The following SAMD8 variants were observed in gnomAD, a reference collection of about 807,000 sequenced individuals.
SAMD8 encodes the protein sphingomyelin synthase-related protein 1.
In SAMD8, 20 loss-of-function variants were observed where a neutral mutation model predicts 42.0. The observed-to-expected ratio is 0.48, with a 90% confidence interval of 0.34 to 0.69. The LOEUF (loss-of-function observed/expected upper bound fraction) is 0.69, where lower values mean the gene tolerates loss of function less well. Among genes scored for constraint, SAMD8 ranks in the 30% least tolerant of loss-of-function variants. SAMD8 has a pLI of 0.01. For synonymous variants in SAMD8, 162 were observed against 173.0 expected, an observed-to-expected ratio of 0.94 and a Z score of 0.50; for missense variants, 328 against 511.6, an observed-to-expected ratio of 0.64 and a Z score of 3.46.
chr10:75,130,073 A>C (rs1030151942), intron 1 of SAMD8, among the ~76,000 whole-genome samples: 6 of 152,188 alleles, frequency 3.9e-5, no homozygotes, highest in Non-Finnish European at 7.3e-5. Context: ...TATTGTACTT[A>C]TTTAGGAAGT....
At chr10:75,172,124 C>T (rs905473336) in intron 4 of SAMD8, among the ~76,000 whole-genome samples, 2 of 152,086 alleles carry the variant, frequency 1.3e-5, no homozygotes, top group African/African-American at 2.4e-5. Context: ...CTTTCTCACC[C>T]TCTTGCCAGC....
At chr10:75,146,492 G>A (rs1023512027) in intron 1 of SAMD8, among the ~76,000 whole-genome samples, 5 of 151,794 alleles carry the variant, frequency 3.3e-5, no homozygotes, top group African/African-American at 9.7e-5. Context: ...CTGCATGTTG[G>A]TCAGGCTGTT....
rs1445556278 is a variant in SAMD8, at chr10:75,141,555, T to C, written c.-15-8959T>C. Among the ~76,000 whole-genome samples the C allele has an allele frequency of 7.5e-5, 11 of 146,992 alleles. No individual in the cohort carries two copies. In the East Asian group the frequency reaches 7.8e-4, roughly 10 times the overall value. On this transcript the variant is annotated intron_variant, in intron 1 of 5. Transcript: ENST00000542569. Reference sequence around the variant, plus strand: ...GCCTTTTACTTTTTTTTTTTTTTTTTCCTCGAGATGGAGTCTCACTCTGTC... The same window carrying C: ...GCCTTTTACTTTTTTTTTTTTTTTTCCCTCGAGATGGAGTCTCACTCTGTC...
intron 1 of SAMD8, among the ~76,000 whole-genome samples, chr10:75,145,335 A>G (rs761848478): frequency 1.3e-5 from 2 of 152,178 alleles, no homozygotes; most frequent in Admixed American, 6.5e-5. Flanking sequence ...AATTTTATTA[A>G]ATGTGTCAGT....
Position 75,170,770 on chromosome 10 carries a change from G to GTT in SAMD8, c.792+2132_792+2133dup, listed in dbSNP as rs34290557. Among the ~76,000 whole-genome samples, 444 of 105,176 alleles carry GTT rather than the reference G, an allele frequency of 4.2e-3. 3 individuals carry two copies. Among genetic ancestry groups the GTT allele is most frequent in the South Asian group, 0.012 (36 of 3,100 alleles). 69.0% of individuals were successfully genotyped at this position (105,176 alleles called of 152,430 possible). A position where few individuals can be genotyped will look rare whatever the true frequency, so the allele number is the denominator to read the frequency against. On this transcript the variant is annotated intron_variant, in intron 4 of 5. Coordinates refer to ENST00000542569, the MANE Select transcript of SAMD8 (RefSeq NM_001174156.2). The stretch of plus-strand genomic sequence containing the variant: ...TACACACTCATATAAGTTTTTTTGG[G>GTT]TTTTTTTTTTTTTTTTTTTTTGAGG...
intron 1 of SAMD8, among the ~76,000 whole-genome samples, chr10:75,142,597 C>A (rs1840043265): frequency 6.6e-6 from 1 of 151,846 alleles, no homozygotes; most frequent in Non-Finnish European, 1.5e-5. Context: ...CCACCACGCC[C>A]AGCTAATTTT....
rs761963951 is a variant in SAMD8 at position 75,176,273 on chromosome 10, G to A, written c.943+57G>A. On this transcript the variant is annotated intron_variant, in intron 5 of 5. Transcript: ENST00000542569. This position sits in a 1 kb window ranked among gnomAD's most constrained non-coding sequence, Gnocchi z 4.3. Reference sequence around the variant, plus strand: ...TAGGTAACTAGCTGCAGTGAAGGCTGTGGGAAGGGTGTCAGATCCTGTGAA... The same window carrying A: ...TAGGTAACTAGCTGCAGTGAAGGCTATGGGAAGGGTGTCAGATCCTGTGAA... 18 of 1,613,212 alleles carry A rather than the reference G, an allele frequency of 1.1e-5. No individual in the cohort carries two copies. The East Asian group carries it at 3.8e-4, about 34-fold the overall frequency.
chr10:75,165,977 C>CAAA (rs56839743), intron 3 of SAMD8, among the ~76,000 whole-genome samples: 13 of 62,456 alleles, frequency 2.1e-4, no homozygotes, highest in South Asian at 5.3e-4. Context: ...ACCCTGTCTC[C>CAAA]AAAAAAAAAA....
chr10:75,176,806 T>A lies in SAMD8; in HGVS notation c.*114T>A, dbSNP rs1841000098. The stretch of plus-strand genomic sequence containing the variant: ...ATGCCTGGCTTATGTGTTGACAAAG[T>A]AAAGTTTTCTGTTCTGAGCAAAGTT... On this transcript the variant is annotated 3_prime_UTR_variant, in exon 6 of 6. Coordinates refer to ENST00000542569, the MANE Select transcript of SAMD8 (RefSeq NM_001174156.2). The surrounding 1 kb of genome is among the most constrained non-coding windows in gnomAD (Gnocchi z 4.3). The A allele has an allele frequency of 6.6e-6, 5 of 753,268 alleles. No individual in the cohort carries two copies. Among genetic ancestry groups the A allele is most frequent in the Non-Finnish European group, 8.4e-6 (4 of 476,962 alleles). 46.7% of individuals were successfully genotyped at this position (753,268 alleles called of 1,614,324 possible).
intron 1 of SAMD8, among the ~76,000 whole-genome samples, chr10:75,123,361 G>A (rs1849051705): frequency 6.6e-6 from 1 of 152,142 alleles, no homozygotes. Flanking sequence ...CCTCATAAGT[G>A]CTGTTTGGGT....
intron 1 of SAMD8, among the ~76,000 whole-genome samples, chr10:75,133,138 C>A (rs535400287): frequency 6.6e-6 from 1 of 152,098 alleles, no homozygotes; most frequent in South Asian, 2.1e-4. Context: ...TGGTGACTCA[C>A]GCCTGTAATC....
intron 2 of SAMD8, among the ~76,000 whole-genome samples, chr10:75,164,102 G>C (rs776936908): frequency 4.6e-5 from 7 of 152,056 alleles, no homozygotes. Flanking sequence ...TTGTAGTCCC[G>C]GCCACTTAGG....
intron 1 of SAMD8, among the ~76,000 whole-genome samples, chr10:75,147,886 A>G (rs1195194588): frequency 6.6e-6 from 1 of 152,182 alleles, no homozygotes; most frequent in Non-Finnish European, 1.5e-5. Flanking sequence ...TATAAGTTCC[A>G]TGTGTTAAAG....
intron 1 of SAMD8, among the ~76,000 whole-genome samples, chr10:75,131,829 G>A (rs1849279475): frequency 6.6e-6 from 1 of 152,142 alleles, no homozygotes; most frequent in South Asian, 2.1e-4. Flanking sequence ...TAACTCTCTA[G>A]ATGACTTTAA....
At chr10:75,145,368 C>T (rs371055231) in intron 1 of SAMD8, among the ~76,000 whole-genome samples, 4 of 152,156 alleles carry the variant, frequency 2.6e-5, no homozygotes, top group African/African-American at 9.7e-5. Context: ...GATTCTTCTC[C>T]TCATTATAAG....
At chr10:75,126,333 T>C (rs1258699154) in intron 1 of SAMD8, among the ~76,000 whole-genome samples, 1 of 152,170 alleles carries the variant, frequency 6.6e-6, no homozygotes, top group Non-Finnish European at 1.5e-5. Context: ...GTGAACTAAT[T>C]ATGACTCTCT....
chr10:75,175,881 T>G, intron 4 of SAMD8, 185 bp from the exon 5 acceptor site: 1 of 985,354 alleles, frequency 1.0e-6, no homozygotes, highest in Non-Finnish European at 1.2e-6. Flanking sequence ...TATTTCTGAG[T>G]ACAGCCAAGC....
intron 1 of SAMD8, among the ~76,000 whole-genome samples, chr10:75,145,779 T>A (rs924670465): frequency 3.3e-5 from 5 of 152,228 alleles, no homozygotes; most frequent in African/African-American, 1.2e-4. Context: ...GTGGGGAGGA[T>A]TGCCCGCAGT....
chr10:75,113,988 T>C (rs965261624), intron 1 of SAMD8, among the ~76,000 whole-genome samples: 2 of 152,220 alleles, frequency 1.3e-5, no homozygotes, highest in Non-Finnish European at 2.9e-5. Flanking sequence ...GCATGTCTAA[T>C]AGTTTTTTAA....
Sources: gnomAD v4.1 joint callset for allele counts (sites outside exome capture counted in the v4.1 genomes callset) on GRCh38, gnomAD v4.1.1 for gene constraint, Gnocchi (gnomAD v3.1) non-coding constraint, MANE v1.5 for transcripts, NCBI Gene and HGNC (gene_info 2026-07-23, HGNC 2026-07-21) for gene names.